ZNF718: variants seen among roughly 807,000 people sequenced by gnomAD.
The protein encoded by ZNF718 is zinc finger protein 718.
A neutral mutation model predicts 2.6 loss-of-function variants in ZNF718; 3 were observed. The observed-to-expected ratio is 1.16, with a 90% CI of 0.53 to 3.01. ZNF718 has a LOEUF of 3.01. ZNF718 is among the 30% of genes most tolerant of loss of function. The probability of loss-of-function intolerance (pLI) is 0.03; values close to 1 mark genes in which losing one functional copy is unlikely to be tolerated. For synonymous variants in ZNF718, 135 were observed against 77.9 expected (o/e 1.73, Z -3.86); for missense variants, 468 against 230.0 (o/e 2.03, Z -6.69).
At chr4:165,848 C>G (rs1313588958), downstream of ZNF718, among the ~76,000 whole-genome samples, 1 of 114,076 alleles carries the variant, frequency 8.8e-6, no homozygotes, top group Non-Finnish European at 1.7e-5. Context: ...ATTTTACGTT[C>G]TTTTTTTTTA....
At chr4:145,899 A>G (rs1213782945) in intron 3 of ZNF718, among the ~76,000 whole-genome samples, 1 of 152,140 alleles carries the variant, frequency 6.6e-6, no homozygotes, top group Non-Finnish European at 1.5e-5. Flanking sequence ...CCTTCTATGT[A>G]TAGAAAAATT....
chr4:138,802 A>G (rs1207416973), intron 3 of ZNF718, among the ~76,000 whole-genome samples: 5 of 151,994 alleles, frequency 3.3e-5, no homozygotes, highest in African/African-American at 9.7e-5. Context: ...GCATTTATTA[A>G]TCACCTGACT....
chr4:136,335 A>T, intron 3 of ZNF718: 2 of 518,978 alleles, frequency 3.9e-6, no homozygotes, highest in Admixed American at 3.9e-5. Flanking sequence ...GCTTCAGGGA[A>T]CATAGCTGAG....
chr4:135,515 A>G (rs1715521635), intron 3 of ZNF718, among the ~76,000 whole-genome samples: 1 of 147,718 alleles, frequency 6.8e-6, no homozygotes. Context: ...TGTCTGTCCA[A>G]AGGAGGCAAT....
chr4:125,958 C>G (rs922916944), intron 1 of ZNF718, among the ~76,000 whole-genome samples: 6 of 152,188 alleles, frequency 3.9e-5, no homozygotes, highest in African/African-American at 9.7e-5. Context: ...ACCCAGGCTT[C>G]TGGACCATCT....
At chr4:134,050 C>A (rs1370665106) in intron 3 of ZNF718, among the ~76,000 whole-genome samples, 1 of 152,200 alleles carries the variant, frequency 6.6e-6, no homozygotes, top group Non-Finnish European at 1.5e-5. Context: ...ACTCAAGTTA[C>A]AACTAAAAAT....
intron 3 of ZNF718, among the ~76,000 whole-genome samples, chr4:182,422 ATTTATTTAT>A (rs1196122639): frequency 1.4e-5 from 2 of 145,892 alleles, no homozygotes; most frequent in African/African-American, 2.7e-5. Flanking sequence ...TTATTTATTT[ATTTATTTAT>A]TTATTTATTT....
At chr4:134,559 C>T (rs782648659) in intron 3 of ZNF718, among the ~76,000 whole-genome samples, 28 of 152,102 alleles carry the variant, frequency 1.8e-4, no homozygotes, top group African/African-American at 4.8e-4. Context: ...TATGATAATA[C>T]GGTACTTTGA....
At chr4:137,142 T>C (rs782779744) in intron 3 of ZNF718, among the ~76,000 whole-genome samples, 5 of 152,174 alleles carry the variant, frequency 3.3e-5, no homozygotes, top group Non-Finnish European at 4.4e-5. Flanking sequence ...TTTGTTTGCT[T>C]TCTACCATAA....
downstream of ZNF718, among the ~76,000 whole-genome samples, chr4:169,076 G>A (rs564038007): frequency 6.7e-3 from 1,025 of 152,284 alleles, 4 homozygotes; most frequent in Non-Finnish European, 0.011. Flanking sequence ...TGGTTTCAAA[G>A]AACATCTTTA....
chr4:134,013 T>C (rs1388855355), intron 3 of ZNF718, among the ~76,000 whole-genome samples: 1 of 152,240 alleles, frequency 6.6e-6, no homozygotes, highest in African/African-American at 2.4e-5. Flanking sequence ...GATCTAATGC[T>C]GAATGTACTT....
At chr4:168,121 T>A (rs1717134172), downstream of ZNF718, among the ~76,000 whole-genome samples, 1 of 152,218 alleles carries the variant, frequency 6.6e-6, no homozygotes, top group Non-Finnish European at 1.5e-5. Flanking sequence ...ATGGTTTTTG[T>A]CATTGGTTCT....
intron 3 of ZNF718, among the ~76,000 whole-genome samples, chr4:173,743 A>G (rs1279874915): frequency 6.6e-6 from 1 of 152,174 alleles, no homozygotes; most frequent in Non-Finnish European, 1.5e-5. Flanking sequence ...GCCCAGAGAA[A>G]CAGGAGGGCT....
intron 3 of ZNF718, among the ~76,000 whole-genome samples, chr4:149,560 AGTG>A (rs1438777138): frequency 3.3e-5 from 5 of 152,106 alleles, no homozygotes; most frequent in Non-Finnish European, 7.4e-5. Context: ...TTAATGATCA[AGTG>A]GTGTTTAATT....
At chr4:188,295 AGCTGT>A (rs201386412) in intron 3 of ZNF718, among the ~76,000 whole-genome samples, 2 of 152,202 alleles carry the variant, frequency 1.3e-5, no homozygotes, top group African/African-American at 2.4e-5. Context: ...TTGGTAAAAC[AGCTGT>A]GCTGTGCTGT....
At chr4:167,726 C>T (rs938464430), downstream of ZNF718, among the ~76,000 whole-genome samples, 2 of 152,130 alleles carry the variant, frequency 1.3e-5, no homozygotes, top group Non-Finnish European at 2.9e-5. Flanking sequence ...GCTGAAGTTG[C>T]CTATCAGCTT....
intron 3 of ZNF718, among the ~76,000 whole-genome samples, chr4:155,197 A>C (rs1423593134): frequency 2.0e-5 from 3 of 152,160 alleles, no homozygotes; most frequent in Non-Finnish European, 4.4e-5. Flanking sequence ...CCTCATGGAG[A>C]ACCTCTGCTA....
intron 3 of ZNF718, among the ~76,000 whole-genome samples, chr4:142,948 C>A (rs1581435219): frequency 1.3e-5 from 2 of 152,164 alleles, no homozygotes; most frequent in Non-Finnish European, 2.9e-5. Flanking sequence ...TAATAATAGT[C>A]TCCCTTGTGT....
rs139311490 is a variant in ZNF718 at position 193,489 on chromosome 4, G to A, written c.227-7592G>A. ...CCTAATTCTAGTGTATAATGGCCCCGGCTTTTGCTAGGATGTCTCTCCCTA... is the reference window on the plus strand; with the variant it reads ...CCTAATTCTAGTGTATAATGGCCCCAGCTTTTGCTAGGATGTCTCTCCCTA... On this transcript the variant is annotated intron_variant and NMD_transcript_variant, in intron 3 of 4. Coordinates refer to the ZNF718 transcript ENST00000642529. Among the ~76,000 whole-genome samples the A allele has an allele frequency of 1.9e-3, 292 of 152,202 alleles. 3 individuals carry two copies. Among genetic ancestry groups the A allele is most frequent in the African/African-American group, 6.2e-3 (258 of 41,532 alleles).
Sources: allele counts gnomAD v4.1 joint callset (sites outside exome capture counted in the v4.1 genomes callset), GRCh38; gene constraint gnomAD v4.1.1; transcripts MANE v1.5; gene names NCBI Gene and HGNC (gene_info 2026-07-23, HGNC 2026-07-21).